KIRREL3: variants seen among roughly 807,000 people sequenced by gnomAD.
The protein encoded by KIRREL3 is kirre like nephrin family adhesion molecule 3.
Under a neutral mutation model 89.7 loss-of-function variants are expected in KIRREL3, and 36 were observed. The observed-to-expected ratio is 0.40, with a 90% CI of 0.31 to 0.53. The LOEUF (loss-of-function observed/expected upper bound fraction) is 0.53. KIRREL3 is among the 20% of genes least tolerant of loss of function. The pLI is 0.49. For synonymous variants in KIRREL3, 445 were observed against 441.4 expected, an observed-to-expected ratio of 1.01 and a Z score of -0.10; for missense variants, 864 against 1,056.6, an observed-to-expected ratio of 0.82 and a Z score of 2.53.
chr11:126,995,140 G>T lies in KIRREL3; in HGVS notation c.55+5315C>A, dbSNP rs570272100. 44 of 454,714 alleles carry T rather than the reference G, an allele frequency of 9.7e-5. No homozygotes were observed. The highest frequency in any genetic ancestry group is 1.9e-4 in the Admixed American group (8 of 42,498). The allele number at this position is 454,714 out of a possible 1,614,324, so 28.2% of individuals were successfully genotyped here. ...CTGGCTTTGCTGCTCACTCCCTTAC[G>T]AATAGCTGTGATGGGATATGAAATC... is the stretch of plus-strand genomic sequence containing the variant. On this transcript the variant is annotated intron_variant, in intron 1 of 16. Coordinates refer to ENST00000525144, the MANE Select transcript of KIRREL3 (RefSeq NM_032531.4). The surrounding 1 kb of genome is among the most constrained non-coding windows in gnomAD (Gnocchi z 6.5).
intron 1 of KIRREL3, among the ~76,000 whole-genome samples, chr11:126,878,715 G>A: frequency 6.6e-6 from 1 of 152,082 alleles, no homozygotes; most frequent in East Asian, 1.9e-4. Context: ...TGTAAGCTCT[G>A]GCCACCTCTG....
intron 4 of KIRREL3, among the ~76,000 whole-genome samples, chr11:126,517,168 G>GAGAGAGAGAGAGAGAGAGAGAC: frequency 6.8e-6 from 1 of 147,596 alleles, no homozygotes; most frequent in Non-Finnish European, 1.5e-5. Flanking sequence ...GAGAGAGAGA[G>GAGAGAGAGAGAGAGAGAGAGAC]AGACAGAGTG....
rs553103455 is a variant in KIRREL3 at position 126,647,858 on chromosome 11, C to A, written c.56-84946G>T. ...ATCTCACTGAGAATGAAAGCCAACA[C>A]CCTCTCCATGACTCATGGTGCTCTC... On this transcript the variant is annotated intron_variant, in intron 1 of 16. Transcript: ENST00000525144. The surrounding 1 kb of genome is among the most constrained non-coding windows in gnomAD (Gnocchi z 4.9). Among the ~76,000 whole-genome samples the A allele has an allele frequency of 1.2e-3, 178 of 152,318 alleles. 1 individual carries two copies. The highest frequency in any genetic ancestry group is 4.2e-3 in the African/African-American group (175 of 41,570).
Position 126,432,629 on chromosome 11 carries a change from T to C in KIRREL3, c.1589-1103A>G, listed in dbSNP as rs1189727231. On this transcript the variant is annotated intron_variant, in intron 13 of 16. Coordinates refer to ENST00000525144, the MANE Select transcript of KIRREL3 (RefSeq NM_032531.4). This position sits in a 1 kb window ranked among gnomAD's most constrained non-coding sequence, Gnocchi z 6.2. The stretch of plus-strand genomic sequence containing the variant: ...TCCACCCACAGAGTGACATGTGAGA[T>C]CCCCCACATCTCATGTGCTCGGTAC... 1.3e-5 allele frequency among the ~76,000 whole-genome samples: 2 copies of C among 151,562 alleles called. No homozygotes were observed. The highest frequency in any genetic ancestry group is 4.9e-5 in the African/African-American group (2 of 41,168).
rs2093607910 is a variant in KIRREL3 at position 126,918,827 on chromosome 11, T to C, written c.55+81628A>G. Among the ~76,000 whole-genome samples the C allele has an allele frequency of 6.6e-6, 1 of 152,164 alleles. No individual in the cohort carries two copies. Among genetic ancestry groups the C allele is most frequent in the Admixed American group, 6.5e-5 (1 of 15,274 alleles). On this transcript the variant is annotated intron_variant, in intron 1 of 16. Transcript: ENST00000525144. The surrounding 1 kb of genome is among the most constrained non-coding windows in gnomAD (Gnocchi z 6.5). ...CTGCATGTTATAAAGAATGGGGAGC[T>C]AGCTGCCAAGACATTCCTATGACAC...
At chr11:126,472,705 A>G (rs1229027407) in intron 5 of KIRREL3, among the ~76,000 whole-genome samples, 1 of 144,846 alleles carries the variant, frequency 6.9e-6, no homozygotes, top group African/African-American at 2.7e-5. Context: ...GACATAGAGG[A>G]GAGAGAGAGA....
chr11:126,567,637 G>A (rs1436522610), intron 1 of KIRREL3, among the ~76,000 whole-genome samples: 2 of 152,228 alleles, frequency 1.3e-5, no homozygotes, highest in African/African-American at 4.8e-5. Context: ...GGAGACCCCA[G>A]GGTGGCTAAG....
intron 1 of KIRREL3, among the ~76,000 whole-genome samples, chr11:126,939,093 T>C (rs1204878894): frequency 6.6e-6 from 1 of 152,192 alleles, no homozygotes; most frequent in Admixed American, 6.5e-5. Context: ...AATGTATGGA[T>C]AGTATTGGTA....
chr11:126,431,154 A>C lies in KIRREL3; in HGVS notation c.1696+265T>G. 1.4e-6 allele frequency: 2 copies of C among 1,441,970 alleles called. No individual in the cohort carries two copies. The highest frequency in any genetic ancestry group is 1.8e-6 in the Non-Finnish European group (2 of 1,100,348). The allele number at this position is 1,441,970 out of a possible 1,614,324, so 89.3% of individuals were successfully genotyped here. The stretch of plus-strand genomic sequence containing the variant: ...TGTACAGTTCCTGACTGAAAGAGCT[A>C]TGTGTTCAATCCAAAATGCTGGCTG... On this transcript the variant is annotated intron_variant, in intron 14 of 16. Transcript: ENST00000525144. The surrounding 1 kb of genome is among the most constrained non-coding windows in gnomAD (Gnocchi z 7.1).
chr11:126,465,490 G>A (rs1290866051), intron 5 of KIRREL3, among the ~76,000 whole-genome samples: 4 of 152,172 alleles, frequency 2.6e-5, no homozygotes. Flanking sequence ...GGAGAAACCT[G>A]TAAGCTCCTA....
At chr11:126,842,119 G>A (rs1409552054) in intron 1 of KIRREL3, among the ~76,000 whole-genome samples, 2 of 152,048 alleles carry the variant, frequency 1.3e-5, no homozygotes, top group East Asian at 3.9e-4. Context: ...GAGGTGGTGA[G>A]GAGGGAAGGG....
At chr11:126,451,268 G>T (rs944601136) in intron 7 of KIRREL3, among the ~76,000 whole-genome samples, 1 of 149,510 alleles carries the variant, frequency 6.7e-6, no homozygotes, top group African/African-American at 2.5e-5. Flanking sequence ...TTGCTTGTGT[G>T]TCCGTGTGCA....
rs946574968 is a variant in KIRREL3, at chr11:126,837,581, A to G, written c.55+162874T>C. Among the ~76,000 whole-genome samples the G allele has an allele frequency of 1.3e-5, 2 of 152,212 alleles. No individual in the cohort carries two copies. The highest frequency in any genetic ancestry group is 4.8e-5 in the African/African-American group (2 of 41,456). On this transcript the variant is annotated intron_variant, in intron 1 of 16. Transcript: ENST00000525144. The surrounding 1 kb of genome is among the most constrained non-coding windows in gnomAD (Gnocchi z 4.7). ...CTTCCCACCTCTTCCAATCCTCGCT[A>G]CATCCAGGAACTTACTCTGCTGTGA...
intron 4 of KIRREL3, among the ~76,000 whole-genome samples, chr11:126,493,675 AGAG>A (rs1293767198): frequency 6.7e-6 from 1 of 149,682 alleles, no homozygotes; most frequent in Non-Finnish European, 1.5e-5. Flanking sequence ...AAAAAAAAAA[AGAG>A]AGAATTGGAG....
chr11:126,705,666 G>GTGTATA lies in KIRREL3; in HGVS notation c.56-142760_56-142755dup, dbSNP rs1160685667. Among the ~76,000 whole-genome samples, 2 of 152,330 alleles carry GTGTATA rather than the reference G, an allele frequency of 1.3e-5. No individual in the cohort carries two copies. The highest frequency in any genetic ancestry group is 4.8e-5 in the African/African-American group (2 of 41,564). Reference sequence around the variant, plus strand: ...ATGGTCTAACACTACGTATGTGCAAGTGTATATGTATATGTAATGTATACC... The same window carrying GTGTATA: ...ATGGTCTAACACTACGTATGTGCAAGTGTATATGTATATGTATATGTAATGTATACC... On this transcript the variant is annotated intron_variant, in intron 1 of 16. Coordinates refer to ENST00000525144, the MANE Select transcript of KIRREL3 (RefSeq NM_032531.4). The surrounding 1 kb of genome is among the most constrained non-coding windows in gnomAD (Gnocchi z 4.3).
Position 126,425,741 on chromosome 11 carries a change from G to T in KIRREL3, c.1807-17C>A. The T allele has an allele frequency of 6.3e-7, 1 of 1,581,110 alleles. No individual in the cohort carries two copies. Among genetic ancestry groups the T allele is most frequent in the Non-Finnish European group, 8.6e-7 (1 of 1,161,632 alleles). ...CCGGTCCATCTGCAACCCAAAAAAG[G>T]CTGCTCAGTAGATAGGAGGTGGCTA... On this transcript the variant is annotated splice_polypyrimidine_tract_variant and intron_variant, in intron 15 of 16. Transcript: ENST00000525144.
intron 1 of KIRREL3, among the ~76,000 whole-genome samples, chr11:126,726,569 T>G (rs888003994): frequency 2.6e-5 from 4 of 152,180 alleles, no homozygotes; most frequent in African/African-American, 9.6e-5. Flanking sequence ...GGTTTCGCCA[T>G]GTTGGCCAGG....
At chr11:126,711,169 C>T (rs774940437) in intron 1 of KIRREL3, among the ~76,000 whole-genome samples, 16 of 152,216 alleles carry the variant, frequency 1.1e-4, no homozygotes, top group South Asian at 2.1e-4. Flanking sequence ...TCTGCTCCAT[C>T]TTTTTATGGA....
intron 1 of KIRREL3, chr11:126,944,911 A>C (rs1948573881): frequency 6.6e-6 from 1 of 151,932 alleles, no homozygotes; most frequent in South Asian, 2.1e-4. Flanking sequence ...CCCTCTTTCC[A>C]CTTGCCTTTC....
Sources: gnomAD v4.1 joint callset for allele counts (sites outside exome capture counted in the v4.1 genomes callset) on GRCh38, gnomAD v4.1.1 for gene constraint, Gnocchi (gnomAD v3.1) non-coding constraint, MANE v1.5 for transcripts, NCBI Gene and HGNC (gene_info 2026-07-23, HGNC 2026-07-21) for gene names.